The following PITRM1 variants were observed in gnomAD, a reference collection of about 807,000 sequenced individuals.
PITRM1 encodes pitrilysin metallopeptidase 1, also known as presequence protease, mitochondrial.
Under a neutral mutation model 129.9 loss-of-function variants are expected in PITRM1, and 100 were observed. The observed-to-expected ratio is 0.77, with a 90% CI of 0.65 to 0.91. The LOEUF (loss-of-function observed/expected upper bound fraction) is 0.91, where lower values mean the gene tolerates loss of function less well. Ranked by LOEUF, PITRM1 falls within the 40% of genes least tolerant of loss-of-function variation. The pLI, the probability that PITRM1 is intolerant of heterozygous loss-of-function variation, is 0.00. For synonymous variants in PITRM1, 591 were observed against 508.8 expected, an observed-to-expected ratio of 1.16 and a Z score of -2.17; for missense variants, 1,471 against 1,318.3, an observed-to-expected ratio of 1.12 and a Z score of -1.79.
rs931540440 is a variant in PITRM1, at chr10:3,155,869, C to T, written c.1483-140G>A. On this transcript the variant is annotated intron_variant, in intron 13 of 26. Coordinates refer to ENST00000224949, the MANE Select transcript of PITRM1 (RefSeq NM_014889.4). The stretch of plus-strand genomic sequence containing the variant: ...TTAAAAATAGTAATAATAGAACGCA[C>T]CTCAAGAGTTGTTTTGCTGATGCAA... 8 of 938,272 alleles carry T rather than the reference C, an allele frequency of 8.5e-6. No individual in the cohort carries two copies. In the Admixed American group the frequency reaches 1.9e-4, roughly 23 times the overall value. 58.1% of individuals were successfully genotyped at this position (938,272 alleles called of 1,614,324 possible). A position where few individuals can be genotyped will look rare whatever the true frequency, so the allele number is the denominator to read the frequency against.
At chr10:3,166,914 G>C (rs779824290) in intron 3 of PITRM1, 22 bp downstream of exon 3, 1 of 1,378,942 alleles carries the variant, frequency 7.3e-7, no homozygotes, top group Admixed American at 1.9e-5. Flanking sequence ...TCAAGACCAT[G>C]TTCTTACAAT....
intron 20 of PITRM1, 129 bp downstream of exon 20, chr10:3,147,021 G>C: frequency 1.9e-6 from 1 of 523,890 alleles, no homozygotes; most frequent in South Asian, 2.9e-5. Flanking sequence ...TAGAACACTT[G>C]ACATTTACAA....
intron 25 of PITRM1, chr10:3,138,688 C>G: frequency 1.5e-6 from 1 of 670,126 alleles, no homozygotes; most frequent in Non-Finnish European, 2.7e-6. Flanking sequence ...GTTGGCCCCA[C>G]TGGGTCTCAG....
In PITRM1 at chr10:3,164,042, C is replaced by T. The variant is rs1842672485; in HGVS notation, c.631-157G>A. The T allele has an allele frequency of 2.3e-5, 9 of 395,804 alleles. No individual in the cohort carries two copies. The South Asian group carries it at 3.2e-4, about 14-fold the overall frequency. 24.5% of individuals were successfully genotyped at this position (395,804 alleles called of 1,614,324 possible). ...ATGGTTTAAAAAAAAAAAAAAAACA[C>T]CCACGCAGGCATTGTTTAACACGGT... On this transcript the variant is annotated intron_variant, in intron 6 of 26. Coordinates refer to ENST00000224949, the MANE Select transcript of PITRM1 (RefSeq NM_014889.4).
chr10:3,171,631 G>A (rs1458315385), intron 1 of PITRM1, among the ~76,000 whole-genome samples: 2 of 152,184 alleles, frequency 1.3e-5, no homozygotes, highest in Non-Finnish European at 2.9e-5. Flanking sequence ...AGTAGAGACA[G>A]TTTCACCATG....
At chr10:3,150,055 G>A (rs942946466) in intron 15 of PITRM1, among the ~76,000 whole-genome samples, 3 of 152,008 alleles carry the variant, frequency 2.0e-5, no homozygotes, top group Admixed American at 2.0e-4. Context: ...ACTCTGACCA[G>A]GTGCCCCCGA....
chr10:3,149,603 G>GT lies in PITRM1; in HGVS notation c.1871+17dup, dbSNP rs1841291604. ...GCAGACATTAATAAGACACACAAGG[G>GT]TATGTTGCGACTCGTACTTGGTGAG... On this transcript the variant is annotated intron_variant, in intron 16 of 26. Coordinates refer to ENST00000224949, the MANE Select transcript of PITRM1 (RefSeq NM_014889.4). The GT allele has an allele frequency of 6.5e-7, 1 of 1,536,358 alleles. No individual in the cohort carries two copies. Among genetic ancestry groups the GT allele is most frequent in the Non-Finnish European group, 8.7e-7 (1 of 1,145,110 alleles).
At position 3,148,314 on chromosome 10, in the gene PITRM1, C is replaced by T. The variant is rs758690214; in HGVS notation, c.1872-23G>A. On this transcript the variant is annotated intron_variant, in intron 16 of 26. Transcript: ENST00000224949. ...AGCCTGACACAGCAGAGAAGCATCGCCCCGATTACAAGTCAGTCTTTACTG... is the reference window on the plus strand; with the variant it reads ...AGCCTGACACAGCAGAGAAGCATCGTCCCGATTACAAGTCAGTCTTTACTG... 1.9e-6 allele frequency: 3 copies of T among 1,575,844 alleles called. No homozygotes were observed. In the African/African-American group the frequency reaches 4.1e-5, roughly 21 times the overall value.
At chr10:3,162,175 A>C (rs1291678288) in intron 7 of PITRM1, among the ~76,000 whole-genome samples, 2 of 151,766 alleles carry the variant, frequency 1.3e-5, no homozygotes, top group Non-Finnish European at 2.9e-5. Context: ...AAAAAAAAAA[A>C]AAAACAAGAC....
chr10:3,170,581 C>G (rs1177792274), intron 1 of PITRM1, among the ~76,000 whole-genome samples: 5 of 152,140 alleles, frequency 3.3e-5, no homozygotes, highest in African/African-American at 1.2e-4. Flanking sequence ...CAGTTAAATC[C>G]CATTACATGC....
At position 3,138,964 on chromosome 10, in the gene PITRM1, C is replaced by T. The variant is rs373206278; in HGVS notation, c.2857G>A (p.Asp953Asn). 29 of 1,613,894 alleles carry T rather than the reference C, an allele frequency of 1.8e-5. No individual in the cohort carries two copies. Among genetic ancestry groups the T allele is most frequent in the Admixed American group, 1.2e-4 (7 of 60,020 alleles). Residue 953 changes from aspartate (D) to asparagine (N), a missense_variant, in exon 25 of 27, where the codon GAC becomes AAC. Asp to Asn is a conservative substitution (Grantham distance 23). Coordinates refer to ENST00000224949, the MANE Select transcript of PITRM1 (RefSeq NM_014889.4). ...GAGAAGACAGAAAGTTTGGCTTCGT[C>T]GATGTCTTGCTGTGTGAATTTTCCA... ...KSGKFTQQDI[D>N]EAKLSVFSTV...
chr10:3,140,559 T>G (rs1588625164), intron 24 of PITRM1, 128 bp downstream of exon 24: 1 of 822,790 alleles, frequency 1.2e-6, no homozygotes, highest in Non-Finnish European at 1.9e-6. Context: ...GCCCAAGGAG[T>G]GAAAAGAAGC....
chr10:3,171,512 C>A lies in PITRM1; in HGVS notation c.56+1205G>T, dbSNP rs60456940. Among the ~76,000 whole-genome samples the A allele has an allele frequency of 4.8e-3, 728 of 152,176 alleles. 6 individuals carry two copies. Among genetic ancestry groups the A allele is most frequent in the African/African-American group, 0.017 (688 of 41,508 alleles). On this transcript the variant is annotated intron_variant, in intron 1 of 26. Coordinates refer to ENST00000224949, the MANE Select transcript of PITRM1 (RefSeq NM_014889.4). ...AGGCTGGAGTGCAGCGGTGCAATCT[C>A]GACTCACTGCAACCTCCACCTCCCG... is the stretch of plus-strand genomic sequence containing the variant.
rs1016027707 is a variant in PITRM1, at chr10:3,149,644, G to A, written c.1848C>T (p.Pro616=). 2 of 1,583,592 alleles carry A rather than the reference G, an allele frequency of 1.3e-6. No homozygotes were observed. Among genetic ancestry groups the A allele is most frequent in the Non-Finnish European group, 1.7e-6 (2 of 1,168,274 alleles). Residue 616 remains proline, a synonymous_variant, in exon 16 of 27, where the codon CCC becomes CCT. Transcript: ENST00000224949. The stretch of plus-strand genomic sequence containing the variant: ...ACTTGGTGAGGACGCTGCAGAAGAG[G>A]GGCACATAGGGCCTCAGCTCCTCGG... The part of the protein sequence containing the change: ...TLPEELRPYV[P]LFCSVLTKLG...
intron 11 of PITRM1, 124 bp downstream of exon 11, chr10:3,157,915 TA>T: frequency 1.4e-6 from 1 of 692,728 alleles, no homozygotes; most frequent in Non-Finnish European, 2.6e-6. Flanking sequence ...AACAACTAAA[TA>T]TGAACAAAAG....
Position 3,170,154 on chromosome 10 carries a change from C to A in PITRM1, c.109G>T (p.Ala37Ser). Residue 37 changes from alanine (A) to serine (S), a missense_variant, in exon 2 of 27, where the codon GCT becomes TCT. Coordinates refer to ENST00000224949, the MANE Select transcript of PITRM1 (RefSeq NM_014889.4). ...TTGTCTCCTAGTTTATACTGCAGAG[C>A]CCTCTCACAAGCCCGGTTACTGTTC... Reference protein sequence around the residue: ...RWNSNRACERALQYKLGDKIH... With the variant: ...RWNSNRACERSLQYKLGDKIH... The A allele has an allele frequency of 6.2e-7, 1 of 1,613,974 alleles. No homozygotes were observed.
At position 3,147,603 on chromosome 10, in the gene PITRM1, T is replaced by TC; in HGVS notation, c.2203dup (p.Asp735GlyfsTer42). The TC allele has an allele frequency of 6.2e-7, 1 of 1,614,012 alleles. No homozygotes were observed. Among genetic ancestry groups the TC allele is most frequent in the Non-Finnish European group, 8.5e-7 (1 of 1,179,864 alleles). ...CATCCCGCTGAAGGTCTCCTGCAGG[T>TC]CCCCTGCGGGCGTGAGGGTCCGGCC... On this transcript the variant is annotated frameshift_variant, in exon 19 of 27. Coordinates refer to ENST00000224949, the MANE Select transcript of PITRM1 (RefSeq NM_014889.4). LOFTEE classifies it high-confidence loss of function.
chr10:3,157,795 C>T (rs1346680067), intron 11 of PITRM1, among the ~76,000 whole-genome samples: 1 of 152,166 alleles, frequency 6.6e-6, no homozygotes, highest in Admixed American at 6.5e-5. Context: ...GCTGAGATCA[C>T]GCCACTGCAC....
At chr10:3,143,131 C>T in intron 23 of PITRM1, 1 of 483,862 alleles carries the variant, frequency 2.1e-6, no homozygotes, top group Non-Finnish European at 3.8e-6. Context: ...TGTTTAAGGT[C>T]ATAGGTATCT....
Sources: allele counts gnomAD v4.1 joint callset (sites outside exome capture counted in the v4.1 genomes callset), GRCh38; gene constraint gnomAD v4.1.1; transcripts MANE v1.5; gene names NCBI Gene and HGNC (gene_info 2026-07-23, HGNC 2026-07-21).